The following CACHD1 variants were observed in gnomAD, a reference collection of about 807,000 sequenced individuals.
The protein encoded by CACHD1 is VWFA and cache domain-containing protein 1.
In CACHD1, 71 loss-of-function variants were observed where a neutral mutation model predicts 138.7. That is an observed-to-expected ratio of 0.51 (90% confidence interval 0.42 to 0.62). The LOEUF (loss-of-function observed/expected upper bound fraction) is 0.62. Among genes scored for constraint, CACHD1 ranks in the 20% least tolerant of loss-of-function variants. The pLI, the probability that CACHD1 is intolerant of heterozygous loss-of-function variation, is 0.00. For missense variants in CACHD1, 1,389 were observed against 1,625.3 expected (o/e 0.85, Z 2.50); for synonymous variants, 578 against 591.5 (o/e 0.98, Z 0.33).
At chr1:64,499,397 A>G (rs1172468330) in intron 1 of CACHD1, among the ~76,000 whole-genome samples, 1 of 152,264 alleles carries the variant, frequency 6.6e-6, no homozygotes, top group Admixed American at 6.5e-5. Flanking sequence ...ACTCAATGGC[A>G]GAAGACAGGC....
At chr1:64,590,975 A>G (rs1467184565) in intron 3 of CACHD1, among the ~76,000 whole-genome samples, 1 of 152,210 alleles carries the variant, frequency 6.6e-6, no homozygotes, top group Non-Finnish European at 1.5e-5. Context: ...AGACTCTTCC[A>G]ACTTTGAAGA....
intron 12 of CACHD1, among the ~76,000 whole-genome samples, chr1:64,656,189 C>A (rs550998530): frequency 1.4e-4 from 21 of 152,244 alleles, no homozygotes; most frequent in African/African-American, 5.1e-4. Flanking sequence ...GCAAATGAAG[C>A]AAACAAATTA....
intron 1 of CACHD1, among the ~76,000 whole-genome samples, chr1:64,548,297 C>T (rs968821937): frequency 1.3e-5 from 2 of 152,164 alleles, no homozygotes; most frequent in African/African-American, 2.4e-5. Flanking sequence ...AGAACAGATA[C>T]TGTATCAATT....
At chr1:64,500,476 T>G (rs1408212706) in intron 1 of CACHD1, among the ~76,000 whole-genome samples, 1 of 152,164 alleles carries the variant, frequency 6.6e-6, no homozygotes, top group East Asian at 1.9e-4. Context: ...TATCCTTGAT[T>G]GGGCATGCAA....
At chr1:64,606,376 A>C (rs1299965690) in intron 4 of CACHD1, among the ~76,000 whole-genome samples, 1 of 152,110 alleles carries the variant, frequency 6.6e-6, no homozygotes, top group Non-Finnish European at 1.5e-5. Context: ...ATCTGGGGCA[A>C]AGACCTTGAA....
chr1:64,502,294 G>A (rs1266321104), intron 1 of CACHD1, among the ~76,000 whole-genome samples: 1 of 152,102 alleles, frequency 6.6e-6, no homozygotes, highest in Non-Finnish European at 1.5e-5. Context: ...TTGTTGTATT[G>A]CTTCCACATT....
At chr1:64,647,022 C>T (rs1384747325) in intron 8 of CACHD1, among the ~76,000 whole-genome samples, 1 of 149,858 alleles carries the variant, frequency 6.7e-6, no homozygotes, top group Non-Finnish European at 1.5e-5. Flanking sequence ...CATATGCAAT[C>T]AGTTTCTAAT....
chr1:64,640,049 G>T (rs985827230), intron 7 of CACHD1, among the ~76,000 whole-genome samples: 1 of 152,200 alleles, frequency 6.6e-6, no homozygotes. Flanking sequence ...CAGCCTGCCA[G>T]CTGGCTTTCT....
intron 16 of CACHD1, among the ~76,000 whole-genome samples, chr1:64,669,245 G>T (rs1649738400): frequency 1.3e-5 from 2 of 152,188 alleles, no homozygotes; most frequent in Admixed American, 1.3e-4. Flanking sequence ...ATGAGAATTA[G>T]AGATGATGCA....
At chr1:64,577,933 A>AC (rs1646981730) in intron 2 of CACHD1, among the ~76,000 whole-genome samples, 1 of 152,070 alleles carries the variant, frequency 6.6e-6, no homozygotes, top group Non-Finnish European at 1.5e-5. Flanking sequence ...CAGACATTCT[A>AC]CCCCGATCCC....
At chr1:64,665,898 G>T (rs988971738) in intron 15 of CACHD1, among the ~76,000 whole-genome samples, 159 bp from the exon 16 acceptor site, 1 of 152,044 alleles carries the variant, frequency 6.6e-6, no homozygotes, top group African/African-American at 2.4e-5. Flanking sequence ...CAGCTACTTG[G>T]AGAGGCTGAG....
In CACHD1 at chr1:64,480,886, C is replaced by CT. The variant is rs530847374; in HGVS notation, c.198+9957dup. ...AAGTTGTTTCTTTCTCTCTCTCTCC[C>CT]TTTTTTTTTTTTTGGGTGAAAATTG... On this transcript the variant is annotated intron_variant, in intron 1 of 26. Coordinates refer to ENST00000651257, the MANE Select transcript of CACHD1 (RefSeq NM_020925.4). Among the ~76,000 whole-genome samples the CT allele has an allele frequency of 4.9e-3, 694 of 140,540 alleles. 11 individuals carry two copies. The highest frequency in any genetic ancestry group is 0.03 in the South Asian group (134 of 4,448). 92.2% of individuals were successfully genotyped at this position (140,540 alleles called of 152,430 possible).
rs942199727 is a variant in CACHD1, at chr1:64,554,238, C to T, written c.261+3582C>T. 4.6e-5 allele frequency among the ~76,000 whole-genome samples: 7 copies of T among 152,226 alleles called. No individual in the cohort carries two copies. In the East Asian group the frequency reaches 1.4e-3, roughly 29 times the overall value. On this transcript the variant is annotated intron_variant, in intron 2 of 26. Transcript: ENST00000651257. The stretch of plus-strand genomic sequence containing the variant: ...CTAATGTTTTGATTTTTGTTCATAC[C>T]TCCGTACATAGTACAGAAGGAATAA...
chr1:64,486,365 CACAT>C lies in CACHD1; in HGVS notation c.198+15427_198+15430del, dbSNP rs781431239. Among the ~76,000 whole-genome samples, 698 of 94,166 alleles carry C rather than the reference CACAT, an allele frequency of 7.4e-3. 3 individuals carry two copies. Among genetic ancestry groups the C allele is most frequent in the Non-Finnish European group, 0.011 (506 of 46,462 alleles). 61.8% of individuals were successfully genotyped at this position (94,166 alleles called of 152,430 possible). On this transcript the variant is annotated intron_variant, in intron 1 of 26. Coordinates refer to ENST00000651257, the MANE Select transcript of CACHD1 (RefSeq NM_020925.4). Reference sequence around the variant, plus strand: ...GAGAGCGCGCGCACACACACACACACACATACACACACACACACACACACACATA... The same window carrying C: ...GAGAGCGCGCGCACACACACACACACACACACACACACACACACACACATA...
At position 64,662,307 on chromosome 1, in the gene CACHD1, A is replaced by C. The variant is rs539148502; in HGVS notation, c.1952-1388A>C. ...TCCTATCATCTGAGTGGTTTGGGGA[A>C]CTTCAAGCATTAGCCTTTGAAATAG... On this transcript the variant is annotated intron_variant, in intron 13 of 26. Transcript: ENST00000651257. Among the ~76,000 whole-genome samples, 209 of 152,300 alleles carry C rather than the reference A, an allele frequency of 1.4e-3. 2 individuals are homozygous for C. The highest frequency in any genetic ancestry group is 4.9e-3 in the African/African-American group (205 of 41,564).
intron 2 of CACHD1, among the ~76,000 whole-genome samples, chr1:64,572,508 G>A (rs984027641): frequency 6.6e-6 from 1 of 152,062 alleles, no homozygotes; most frequent in Non-Finnish European, 1.5e-5. Context: ...TGGGAGGCTT[G>A]GGTGTGTATT....
intron 16 of CACHD1, 118 bp downstream of exon 16, chr1:64,666,285 G>A (rs904650811): frequency 9.1e-6 from 5 of 549,474 alleles, no homozygotes; most frequent in African/African-American, 7.7e-5. Context: ...TTTAAAGTGA[G>A]GCCAGCTGGG....
intron 9 of CACHD1, among the ~76,000 whole-genome samples, chr1:64,650,901 C>T (rs1649066360): frequency 6.6e-6 from 1 of 152,008 alleles, no homozygotes; most frequent in African/African-American, 2.4e-5. Flanking sequence ...TTTATCTCAC[C>T]TCCCCCCGCC....
chr1:64,671,804 C>T, intron 17 of CACHD1, 118 bp downstream of exon 17: 2 of 1,209,786 alleles, frequency 1.7e-6, no homozygotes, highest in Non-Finnish European at 2.4e-6. Context: ...TAATTTATGG[C>T]CTGGGTGTCC....
Sources: gnomAD v4.1 joint callset for allele counts (sites outside exome capture counted in the v4.1 genomes callset) on GRCh38, gnomAD v4.1.1 for gene constraint, MANE v1.5 for transcripts, NCBI Gene and HGNC (gene_info 2026-07-23, HGNC 2026-07-21) for gene names.